Variants in MAFK observed in about 807,000 individuals in gnomAD.
The protein encoded by MAFK is transcription factor MafK.
In MAFK, 1 loss-of-function variant was observed where a neutral mutation model predicts 9.2. The ratio of observed to expected loss-of-function variants is 0.11; its 90% CI spans 0.04 to 0.52. MAFK has a LOEUF of 0.52. MAFK is among the 20% of genes least tolerant of loss of function. MAFK has a pLI of 0.94. For missense variants in MAFK, 207 were observed against 236.0 expected (o/e 0.88, Z 0.81); for synonymous variants, 110 against 107.4 (o/e 1.02, Z -0.15).
Position 1,534,082 on chromosome 7 carries a change from G to A in MAFK, c.-45+3184G>A, listed in dbSNP as rs560334385. 3.8e-5 allele frequency: 14 copies of A among 371,252 alleles called. No individual in the cohort carries two copies. Among genetic ancestry groups the A allele is most frequent in the African/African-American group, 8.4e-5 (4 of 47,468 alleles). 23.0% of individuals were successfully genotyped at this position (371,252 alleles called of 1,614,324 possible). ...GACCAGACGTCCTCCAAGCCGGGCC[G>A]ACAGTCATGGCTTGCTGGAGGGCAG... is the stretch of plus-strand genomic sequence containing the variant. On this transcript the variant is annotated intron_variant, in intron 1 of 2. Transcript: ENST00000343242. The surrounding 1 kb of genome is among the most constrained non-coding windows in gnomAD (Gnocchi z 4.3).
chr7:1,540,651 C>T lies in MAFK; in HGVS notation c.*276C>T, dbSNP rs1053004460. ...TGTGTGGGAATTGGTATCTTGCACC[C>T]GTGGGAGTCGGGACATATAATGGAA... On this transcript the variant is annotated 3_prime_UTR_variant, in exon 3 of 3. Coordinates refer to ENST00000343242, the MANE Select transcript of MAFK (RefSeq NM_002360.4). 5 of 456,352 alleles carry T rather than the reference C, an allele frequency of 1.1e-5. No homozygotes were observed. Among genetic ancestry groups the T allele is most frequent in the Non-Finnish European group, 1.9e-5 (5 of 256,864 alleles). The allele number at this position is 456,352 out of a possible 1,614,324, so 28.3% of individuals were successfully genotyped here.
chr7:1,538,479 G>A, intron 1 of MAFK: 2 of 869,890 alleles, frequency 2.3e-6, no homozygotes, highest in Non-Finnish European at 2.8e-6. Context: ...GTGGCCTGTG[G>A]GGAGGGCGGG....
chr7:1,538,363 T>TC (rs1379515052), intron 1 of MAFK: 4 of 985,054 alleles, frequency 4.1e-6, no homozygotes, highest in Non-Finnish European at 4.8e-6. Context: ...CTGCCGCCCC[T>TC]CAGGAACCCC....
chr7:1,540,155 TG>T lies in MAFK; in HGVS notation c.253del (p.Glu85SerfsTer232). ...TQKEELERQR[V>X]ELQQEVEKLA... ...AAGGAGGAGCTGGAGCGGCAGCGCG[TG>T]GAGCTGCAGCAGGAGGTGGAGAAGC... On this transcript the variant is annotated frameshift_variant, in exon 3 of 3. Coordinates refer to ENST00000343242, the MANE Select transcript of MAFK (RefSeq NM_002360.4). LOFTEE classifies it high-confidence loss of function. The T allele has an allele frequency of 6.4e-7, 1 of 1,570,838 alleles. No homozygotes were observed. The highest frequency in any genetic ancestry group is 8.6e-7 in the Non-Finnish European group (1 of 1,158,368).
In MAFK at chr7:1,538,886, G is replaced by A. The variant is rs565020850; in HGVS notation, c.-44-263G>A. ...CAGGCCCTGGGGTGGGGTCCCAGCC[G>A]CTCTGTGGAGTGTGCTAGAGTGTGA... On this transcript the variant is annotated intron_variant, in intron 1 of 2. Coordinates refer to ENST00000343242, the MANE Select transcript of MAFK (RefSeq NM_002360.4). The A allele has an allele frequency of 5.5e-4, 202 of 365,714 alleles. 1 individual carries two copies. In the East Asian group the frequency reaches 0.011, roughly 20 times the overall value. The allele number at this position is 365,714 out of a possible 1,614,324, so 22.7% of individuals were successfully genotyped here. A position where few individuals can be genotyped will look rare whatever the true frequency, so the allele number is the denominator to read the frequency against.
In MAFK at chr7:1,540,287, C is replaced by T. The variant is rs1298629989; in HGVS notation, c.383C>T (p.Pro128Leu). 6.2e-7 allele frequency: 1 copy of T among 1,611,580 alleles called. No individual in the cohort carries two copies. The highest frequency in any genetic ancestry group is 8.5e-7 in the Non-Finnish European group (1 of 1,179,342). Residue 128 changes from proline (P) to leucine (L), a missense_variant, in exon 3 of 3, where the codon CCC (proline) becomes CTC (leucine). Pro to Leu is a moderately conservative substitution (Grantham distance 98). Coordinates refer to ENST00000343242, the MANE Select transcript of MAFK (RefSeq NM_002360.4). ...ACCGTGGCCCGGGGACCTGTGGCGC[C>T]CTCCAAGGTGGCCACCACCAGCGTC... ...ARTVARGPVA[P>L]SKVATTSVIT...
At chr7:1,530,952 G>T in intron 1 of MAFK, 54 bp downstream of exon 1, 1 of 146,086 alleles carries the variant, frequency 6.8e-6, no homozygotes, top group South Asian at 2.0e-4. Flanking sequence ...GGGGACCGGG[G>T]CGCGGGGCCG....
chr7:1,537,466 T>A (rs1253974636), intron 1 of MAFK: 4 of 985,456 alleles, frequency 4.1e-6, no homozygotes, highest in Non-Finnish European at 4.8e-6. Flanking sequence ...AAGTTTCTCA[T>A]GGTGCTCCCA....
chr7:1,535,310 C>T (rs1315625233), intron 1 of MAFK, among the ~76,000 whole-genome samples: 3 of 152,326 alleles, frequency 2.0e-5, no homozygotes, highest in African/African-American at 4.8e-5. Flanking sequence ...CAGCCCCCCA[C>T]TGAGCAGGGT....
Position 1,540,644 on chromosome 7 carries a change from T to C in MAFK, c.*269T>C. The C allele has an allele frequency of 4.3e-6, 2 of 469,036 alleles. No individual in the cohort carries two copies. Among genetic ancestry groups the C allele is most frequent in the Non-Finnish European group, 7.6e-6 (2 of 264,698 alleles). The allele number at this position is 469,036 out of a possible 1,614,324, so 29.1% of individuals were successfully genotyped here. ...GTGTCTGTGTGTGGGAATTGGTATC[T>C]TGCACCCGTGGGAGTCGGGACATAT... On this transcript the variant is annotated 3_prime_UTR_variant, in exon 3 of 3. Coordinates refer to ENST00000343242, the MANE Select transcript of MAFK (RefSeq NM_002360.4).
rs774967633 is a variant in MAFK at position 1,540,119 on chromosome 7, G to A, written c.215G>A (p.Arg72Gln). 2.5e-6 allele frequency: 4 copies of A among 1,573,870 alleles called. No individual in the cohort carries two copies. The highest frequency in any genetic ancestry group is 2.3e-5 in the East Asian group (1 of 42,930). Residue 72 changes from arginine to glutamine, a missense_variant, in exon 3 of 3, where the codon CGG becomes CAG. Physicochemically the swap from Arg to Gln is conservative, Grantham distance 43 (BLOSUM62 1). Transcript: ENST00000343242. ...RGYAASCRIK[R>Q]VTQKEELERQ... ...TACGCGGCCAGCTGCCGCATCAAGCGGGTGACGCAGAAGGAGGAGCTGGAG... is the reference window on the plus strand; with the variant it reads ...TACGCGGCCAGCTGCCGCATCAAGCAGGTGACGCAGAAGGAGGAGCTGGAG...
Position 1,540,676 on chromosome 7 carries a change from A to C in MAFK, c.*301A>C. ...CGTGGGAGTCGGGACATATAATGGA[A>C]AGGCCCTCGGGAAGTTCCGCGTCCT... is the stretch of plus-strand genomic sequence containing the variant. On this transcript the variant is annotated 3_prime_UTR_variant, in exon 3 of 3. Coordinates refer to ENST00000343242, the MANE Select transcript of MAFK (RefSeq NM_002360.4). 2.6e-6 allele frequency: 1 copy of C among 385,146 alleles called. No individual in the cohort carries two copies. The highest frequency in any genetic ancestry group is 4.7e-6 in the Non-Finnish European group (1 of 212,802). 23.9% of individuals were successfully genotyped at this position (385,146 alleles called of 1,614,324 possible).
intron 1 of MAFK, chr7:1,537,275 G>A (rs965953371): frequency 1.6e-6 from 1 of 634,914 alleles, no homozygotes; most frequent in African/African-American, 2.0e-5. Context: ...ACGGCGGGCA[G>A]TGGGCCCGGG....
Position 1,534,583 on chromosome 7 carries a change from C to T in MAFK, c.-45+3685C>T. The T allele has an allele frequency of 2.2e-6, 1 of 456,478 alleles. No individual in the cohort carries two copies. The highest frequency in any genetic ancestry group is 1.5e-5 in the South Asian group (1 of 64,584). The allele number at this position is 456,478 out of a possible 1,614,324, so 28.3% of individuals were successfully genotyped here. The stretch of plus-strand genomic sequence containing the variant: ...CCTGGTCTTCCTCCTGCCCCTCCTC[C>T]CTCTCCCGCATCCCACATCCTCGGA... On this transcript the variant is annotated intron_variant, in intron 1 of 2. Transcript: ENST00000343242. This position sits in a 1 kb window ranked among gnomAD's most constrained non-coding sequence, Gnocchi z 4.3.
chr7:1,542,288 T>A lies in MAFK; in HGVS notation c.*1913T>A, dbSNP rs1029496906. 1 of 152,664 alleles carries A rather than the reference T, an allele frequency of 6.6e-6. No individual in the cohort carries two copies. Among genetic ancestry groups the A allele is most frequent in the Non-Finnish European group, 1.5e-5 (1 of 68,050 alleles). 9.5% of individuals were successfully genotyped at this position (152,664 alleles called of 1,614,324 possible). ...ATCTACAGATTTTTCGTAACAATCT[T>A]TCTTTTCCAGTTTGATACTGTAAAT... is the stretch of plus-strand genomic sequence containing the variant. On this transcript the variant is annotated 3_prime_UTR_variant, in exon 3 of 3. Transcript: ENST00000343242.
At chr7:1,538,028 C>T (rs923157759) in intron 1 of MAFK, 4 of 159,794 alleles carry the variant, frequency 2.5e-5, no homozygotes, top group East Asian at 1.9e-4. Flanking sequence ...CCGTCCCGGC[C>T]GCCGGGTGCA....
Position 1,542,409 on chromosome 7 carries a change from C to G in MAFK, c.*2034C>G, listed in dbSNP as rs1475668966. On this transcript the variant is annotated 3_prime_UTR_variant, in exon 3 of 3. Coordinates refer to ENST00000343242, the MANE Select transcript of MAFK (RefSeq NM_002360.4). The stretch of plus-strand genomic sequence containing the variant: ...CCGTCCCCCTTCATCTCCCCACGGA[C>G]TGTACCAGGCAGCTGGGCCCCGCAG... 1 of 152,650 alleles carries G rather than the reference C, an allele frequency of 6.6e-6. No individual in the cohort carries two copies. The highest frequency in any genetic ancestry group is 1.5e-5 in the Non-Finnish European group (1 of 68,078). 9.5% of individuals were successfully genotyped at this position (152,650 alleles called of 1,614,324 possible). A position where few individuals can be genotyped will look rare whatever the true frequency, so the allele number is the denominator to read the frequency against.
chr7:1,531,858 G>T (rs1294272037), intron 1 of MAFK, among the ~76,000 whole-genome samples: 2 of 152,188 alleles, frequency 1.3e-5, no homozygotes, highest in African/African-American at 4.8e-5. Context: ...GTCCGTGTTC[G>T]CGGGGCCTCC....
chr7:1,535,766 C>G (rs969406954), intron 1 of MAFK, among the ~76,000 whole-genome samples: 1 of 152,204 alleles, frequency 6.6e-6, no homozygotes, highest in Non-Finnish European at 1.5e-5. Flanking sequence ...CCTGCCCTGC[C>G]GGGGGGAGCC....
Sources: allele counts gnomAD v4.1 joint callset (sites outside exome capture counted in the v4.1 genomes callset), GRCh38; gene constraint gnomAD v4.1.1; non-coding constraint Gnocchi (gnomAD v3.1); transcripts MANE v1.5; gene names NCBI Gene and HGNC (gene_info 2026-07-23, HGNC 2026-07-21).